HAL: variants seen among roughly 807,000 people sequenced by gnomAD.
The protein encoded by HAL is histidine ammonia-lyase.
In HAL, 85 loss-of-function variants were observed where a neutral mutation model predicts 81.1. That is an observed-to-expected ratio of 1.05 (90% CI 0.88 to 1.25). The LOEUF is 1.25. Among genes scored for constraint, HAL ranks in the 50% most tolerant of loss-of-function variants. HAL has a pLI of 0.00. For synonymous variants in HAL, 301 were observed against 309.2 expected, an observed-to-expected ratio of 0.97 and a Z score of 0.28; for missense variants, 798 against 836.6, an observed-to-expected ratio of 0.95 and a Z score of 0.57.
chr12:95,992,624 C>G (rs1949984857), intron 9 of HAL, 56 bp downstream of exon 9: 4 of 1,489,478 alleles, frequency 2.7e-6, no homozygotes, highest in Non-Finnish European at 2.8e-6. Flanking sequence ...TCAATTCTAC[C>G]CTGTGGTACA....
intron 18 of HAL, among the ~76,000 whole-genome samples, chr12:95,977,663 A>AAAG (rs2080738414): frequency 6.9e-6 from 1 of 144,926 alleles, no homozygotes; most frequent in Admixed American, 7.0e-5. Context: ...AAAAAAAAAG[A>AAAG]GAAAAAAAAA....
In HAL at chr12:95,988,301, A is replaced by G. The variant is rs116530313; in HGVS notation, c.856-61T>C. ...AATGAAATACTAGCCTATTTCCAAT[A>G]TCATATGGAATCCAATAATAGCTCT... On this transcript the variant is annotated intron_variant, in intron 10 of 20. Transcript: ENST00000261208. 3.1e-3 allele frequency: 2,684 copies of G among 856,782 alleles called. 53 individuals carry two copies. In the African/African-American group the frequency reaches 0.04, roughly 13 times the overall value. The allele number at this position is 856,782 out of a possible 1,614,324, so 53.1% of individuals were successfully genotyped here. A position where few individuals can be genotyped will look rare whatever the true frequency, so the allele number is the denominator to read the frequency against.
In HAL at chr12:95,996,132, C is replaced by A; in HGVS notation, c.-136G>T. 1.8e-6 allele frequency: 1 copy of A among 566,542 alleles called. No individual in the cohort carries two copies. The highest frequency in any genetic ancestry group is 3.2e-6 in the Non-Finnish European group (1 of 309,692). 35.1% of individuals were successfully genotyped at this position (566,542 alleles called of 1,614,324 possible). A position where few individuals can be genotyped will look rare whatever the true frequency, so the allele number is the denominator to read the frequency against. The stretch of plus-strand genomic sequence containing the variant: ...CAGGGGCAGGAGCAGGGGATGCAGA[C>A]GGGTGAGCCTCCTGTCCACTTTCCA... On this transcript the variant is annotated 5_prime_UTR_variant, in exon 1 of 21. Transcript: ENST00000261208.
rs758958648 is a variant in HAL at position 95,987,199 on chromosome 12, T to G, written c.919A>C (p.Asn307His). ...LKPKEGLALINGTQMITSLGC... is the reference protein window; with the variant it reads ...LKPKEGLALIHGTQMITSLGC... ...AGGGATGTGATCATCTGCGTCCCAT[T>G]GATGAGTGCCAGGCCCTGTCGGGGG... is the stretch of plus-strand genomic sequence containing the variant. The change falls in exon 12 of 21, where the codon AAT becomes CAT. Residue 307 changes from asparagine to histidine, a missense_variant. By Grantham distance (68) the Asn-to-His change is moderately conservative. Coordinates refer to ENST00000261208, the MANE Select transcript of HAL (RefSeq NM_002108.4). 6.2e-7 allele frequency: 1 copy of G among 1,613,808 alleles called. No individual in the cohort carries two copies. Among genetic ancestry groups the G allele is most frequent in the Non-Finnish European group, 8.5e-7 (1 of 1,179,664 alleles).
chr12:95,990,217 T>A, intron 10 of HAL, 176 bp downstream of exon 10: 2 of 688,112 alleles, frequency 2.9e-6, no homozygotes, highest in Admixed American at 2.0e-5. Flanking sequence ...GTATAGAAGC[T>A]AACAACAGTC....
intron 9 of HAL, among the ~76,000 whole-genome samples, chr12:95,991,331 G>A (rs991779371): frequency 6.6e-6 from 1 of 152,044 alleles, no homozygotes; most frequent in African/African-American, 2.4e-5. Flanking sequence ...TGAAATTAAA[G>A]GACATTCATT....
chr12:95,986,573 C>A (rs74907794), intron 12 of HAL, among the ~76,000 whole-genome samples: 2 of 152,134 alleles, frequency 1.3e-5, no homozygotes, highest in Non-Finnish European at 1.5e-5. Flanking sequence ...AGGAACAGGG[C>A]GAATAACAGG....
In HAL at chr12:95,983,901, C is replaced by T; in HGVS notation, c.1287+10G>A. 7.1e-7 allele frequency: 1 copy of T among 1,403,524 alleles called. No individual in the cohort carries two copies. Among genetic ancestry groups the T allele is most frequent in the South Asian group, 1.2e-5 (1 of 86,666 alleles). 86.9% of individuals were successfully genotyped at this position (1,403,524 alleles called of 1,614,324 possible). A position where few individuals can be genotyped will look rare whatever the true frequency, so the allele number is the denominator to read the frequency against. On this transcript the variant is annotated intron_variant, in intron 15 of 20. Transcript: ENST00000261208. ...CTATAATTGCAGGTTAGTATACAATCAAAAGATACAGGATTATCTGTTGCG... is the reference window on the plus strand; with the variant it reads ...CTATAATTGCAGGTTAGTATACAATTAAAAGATACAGGATTATCTGTTGCG...
chr12:95,980,717 A>G lies in HAL; in HGVS notation c.1358T>C (p.Leu453Pro), dbSNP rs768576625. 2 of 1,613,464 alleles carry G rather than the reference A, an allele frequency of 1.2e-6. No homozygotes were observed. Among genetic ancestry groups the G allele is most frequent in the East Asian group, 2.2e-5 (1 of 44,888 alleles). The change falls in exon 17 of 21, where the codon CTA becomes CCA. Residue 453 changes from leucine (L) to proline (P), a missense_variant. Leu to Pro is a moderately conservative substitution (Grantham distance 98). Coordinates refer to ENST00000261208, the MANE Select transcript of HAL (RefSeq NM_002108.4). ...NFHGEYPAKA[L>P]DYLAIGIHEL... Reference sequence around the variant, plus strand: ...ATGGATGCCAATGGCCAAGTAGTCTAGGGCCTGAAAGAGGGTCTCCATTTA... The same window carrying G: ...ATGGATGCCAATGGCCAAGTAGTCTGGGGCCTGAAAGAGGGTCTCCATTTA...
chr12:95,990,604 C>T (rs1165215834), intron 9 of HAL, 72 bp from the exon 10 acceptor site: 9 of 1,199,002 alleles, frequency 7.5e-6, no homozygotes, highest in Non-Finnish European at 2.5e-6. Context: ...CCAGTGAGTG[C>T]CCCCACTGCC....
chr12:95,979,784 T>C (rs1393898969), intron 17 of HAL, among the ~76,000 whole-genome samples: 1 of 152,258 alleles, frequency 6.6e-6, no homozygotes, highest in Non-Finnish European at 1.5e-5. Context: ...AAGCACATTT[T>C]TGCATGCCAA....
intron 18 of HAL, among the ~76,000 whole-genome samples, chr12:95,977,225 A>G (rs1213431643): frequency 6.6e-6 from 1 of 152,180 alleles, no homozygotes; most frequent in Non-Finnish European, 1.5e-5. Flanking sequence ...TTCCAGGTCC[A>G]CCGTGAATTC....
chr12:95,993,708 T>C (rs778752307), intron 7 of HAL, 64 bp downstream of exon 7: 2 of 987,574 alleles, frequency 2.0e-6, no homozygotes, highest in Non-Finnish European at 3.3e-6. Flanking sequence ...TTATTTCCCT[T>C]GTTGAAAAAT....
Position 95,973,842 on chromosome 12 carries a change from T to C in HAL, c.*390A>G, listed in dbSNP as rs1592832552. 1 of 161,360 alleles carries C rather than the reference T, an allele frequency of 6.2e-6. No homozygotes were observed. The highest frequency in any genetic ancestry group is 2.6e-5 in the African/African-American group (1 of 39,080). The allele number at this position is 161,360 out of a possible 1,614,324, so 10.0% of individuals were successfully genotyped here. A position where few individuals can be genotyped will look rare whatever the true frequency, so the allele number is the denominator to read the frequency against. On this transcript the variant is annotated 3_prime_UTR_variant, in exon 21 of 21. Coordinates refer to ENST00000261208, the MANE Select transcript of HAL (RefSeq NM_002108.4). Reference sequence around the variant, plus strand: ...CAAATTTAAAAAAAAAAAAAAAGGTTAACAAAAGTCTAATGTTTTTAGAAA... The same window carrying C: ...CAAATTTAAAAAAAAAAAAAAAGGTCAACAAAAGTCTAATGTTTTTAGAAA...
chr12:95,983,989 G>T lies in HAL; in HGVS notation c.1209C>A (p.Val403=). 6.6e-7 allele frequency: 1 copy of T among 1,526,518 alleles called. No homozygotes were observed. The highest frequency in any genetic ancestry group is 9.1e-7 in the Non-Finnish European group (1 of 1,101,066). The allele number at this position is 1,526,518 out of a possible 1,614,324, so 94.6% of individuals were successfully genotyped here. ...DAYTLRCCPQ[V]HGVVNDTIAF... is the part of the protein sequence containing the mutation. The stretch of plus-strand genomic sequence containing the variant: ...CTATTGTATCATTCACCACACCATG[G>T]ACCTAAAATACAATCAAAATAAGGT... The change falls in exon 15 of 21, where the codon GTC becomes GTA. Residue 403 remains valine, a splice_region_variant and synonymous_variant. Transcript: ENST00000261208.
intron 15 of HAL, 59 bp downstream of exon 15, chr12:95,983,852 A>G (rs1949842701): frequency 4.5e-6 from 4 of 882,954 alleles, no homozygotes; most frequent in Non-Finnish European, 7.7e-6. Flanking sequence ...GTTTCAGTAG[A>G]TCCTAAAATT....
rs1307243966 is a variant in HAL at position 95,980,641 on chromosome 12, G to A, written c.1434C>T (p.Ser478=). 7.4e-6 allele frequency: 12 copies of A among 1,613,798 alleles called. No individual in the cohort carries two copies. The highest frequency in any genetic ancestry group is 9.3e-6 in the Non-Finnish European group (11 of 1,179,786). The change falls in exon 17 of 21, where the codon TCC becomes TCT. Residue 478 remains serine, a synonymous_variant. Transcript: ENST00000261208. ...ERRIERLCNP[S]LSELPAFLVA... is the part of the protein sequence containing the mutation. ...CCAGGAAGGCAGGCAGCTCACTGAG[G>A]GAGGGATTGCAGAGCCGCTCGATTC...
In HAL at chr12:95,995,824, C is replaced by T. The variant is rs1399716360; in HGVS notation, c.87G>A (p.Arg29=). ...DAQLTVGWLG[R]EAVRRYIKNK... is the part of the protein sequence containing the mutation. Reference sequence around the variant, plus strand: ...TCTTGATATAGCGCCTCACGGCCTCCCGGCCCAGCCAGCCCACAGTGAGCT... The same window carrying T: ...TCTTGATATAGCGCCTCACGGCCTCTCGGCCCAGCCAGCCCACAGTGAGCT... The change falls in exon 2 of 21, where the codon CGG becomes CGA. Residue 29 remains arginine (R), a synonymous_variant. Transcript: ENST00000261208. 3 of 1,612,092 alleles carry T rather than the reference C, an allele frequency of 1.9e-6. No homozygotes were observed. The highest frequency in any genetic ancestry group is 2.5e-6 in the Non-Finnish European group (3 of 1,180,010).
In HAL at chr12:95,986,174, A is replaced by T. The variant is rs754662798; in HGVS notation, c.1052-14T>A. 7 of 1,413,626 alleles carry T rather than the reference A, an allele frequency of 5.0e-6. No individual in the cohort carries two copies. The East Asian group carries it at 1.6e-4, about 32-fold the overall frequency. 87.6% of individuals were successfully genotyped at this position (1,413,626 alleles called of 1,614,324 possible). ...GAGCATGAATGTCTAGAATTGATGA[A>T]GGAGAAAAAGTCTGAATAATTCCAT... On this transcript the variant is annotated splice_polypyrimidine_tract_variant and intron_variant, in intron 12 of 20. Transcript: ENST00000261208.
Sources: gnomAD v4.1 joint callset for allele counts (sites outside exome capture counted in the v4.1 genomes callset) on GRCh38, gnomAD v4.1.1 for gene constraint, MANE v1.5 for transcripts, NCBI Gene and HGNC (gene_info 2026-07-23, HGNC 2026-07-21) for gene names.